SCN8A: variants seen among roughly 807,000 people sequenced by gnomAD.
SCN8A encodes sodium channel protein type 8 subunit alpha.
In SCN8A, 30 loss-of-function variants were observed where a neutral mutation model predicts 184.1. That is an observed-to-expected ratio of 0.16 (90% confidence interval 0.12 to 0.22). The LOEUF is 0.22. SCN8A is among the 10% of genes least tolerant of loss of function. The probability of loss-of-function intolerance (pLI) is 1.00; values close to 1 mark genes in which losing one functional copy is unlikely to be tolerated. For missense variants in SCN8A, 1,057 were observed against 2,498.9 expected (o/e 0.42, Z 12.30); for synonymous variants, 852 against 907.0 (o/e 0.94, Z 1.09).
In SCN8A at chr12:51,794,616, C is replaced by T. The variant is rs368421269; in HGVS notation, c.4770C>T (p.Phe1590=). ...YFTIGWNIFD[F]VVVILSIVGM... ...CCATTGGCTGGAACATCTTCGACTT[C>T]GTGGTAGTCATCCTCTCCATTGTGG... The change falls in exon 26 of 27, where the codon TTC becomes TTT. Residue 1590 remains phenylalanine, a synonymous_variant. Coordinates refer to ENST00000627620, the MANE Select transcript of SCN8A (RefSeq NM_001330260.2). 33 of 1,613,756 alleles carry T rather than the reference C, an allele frequency of 2.0e-5. No individual in the cohort carries two copies. The highest frequency in any genetic ancestry group is 4.0e-5 in the African/African-American group (3 of 74,904).
chr12:51,696,400 CT>C (rs1941593345), intron 6 of SCN8A, among the ~76,000 whole-genome samples: 1 of 152,176 alleles, frequency 6.6e-6, no homozygotes, highest in South Asian at 2.1e-4. Flanking sequence ...ATAATGAGGA[CT>C]TCTCTGTTCC....
chr12:51,600,533 G>A (rs1045505527), intron 1 of SCN8A, among the ~76,000 whole-genome samples: 12 of 152,128 alleles, frequency 7.9e-5, no homozygotes, highest in African/African-American at 1.7e-4. Context: ...ATCTTAGGCC[G>A]TGTATGAAAA....
intron 20 of SCN8A, among the ~76,000 whole-genome samples, chr12:51,775,358 A>G (rs1937658245): frequency 6.6e-6 from 1 of 152,226 alleles, no homozygotes; most frequent in South Asian, 2.1e-4. Context: ...CAAGTGCCCA[A>G]TACTGAGCCA....
chr12:51,760,528 C>G (rs1338660439), intron 14 of SCN8A, among the ~76,000 whole-genome samples: 2 of 152,182 alleles, frequency 1.3e-5, no homozygotes, highest in Non-Finnish European at 2.9e-5. Flanking sequence ...TGAGCACTTC[C>G]TGTGTGTTTA....
At chr12:51,733,208 A>G (rs1942271772) in intron 12 of SCN8A, among the ~76,000 whole-genome samples, 1 of 152,162 alleles carries the variant, frequency 6.6e-6, no homozygotes, top group African/African-American at 2.4e-5. Flanking sequence ...TATGGCTTTT[A>G]TTATATTGAA....
chr12:51,756,424 T>A (rs767953857), intron 14 of SCN8A, among the ~76,000 whole-genome samples: 7 of 152,150 alleles, frequency 4.6e-5, no homozygotes, highest in Non-Finnish European at 7.4e-5. Context: ...TGGCACCCCT[T>A]GTGAGTCTTC....
intron 11 of SCN8A, among the ~76,000 whole-genome samples, chr12:51,706,937 G>C (rs1366891244): frequency 2.0e-5 from 3 of 151,952 alleles, no homozygotes; most frequent in African/African-American, 7.3e-5. Flanking sequence ...CACTTTTTTA[G>C]CTCCCACGTA....
At chr12:51,638,881 A>G (rs945909702) in intron 1 of SCN8A, among the ~76,000 whole-genome samples, 2 of 152,336 alleles carry the variant, frequency 1.3e-5, no homozygotes, top group African/African-American at 4.8e-5. Context: ...CAAGAGAACT[A>G]GAATTAGAAG....
chr12:51,618,415 A>G (rs1939887339), intron 1 of SCN8A, among the ~76,000 whole-genome samples: 2 of 149,478 alleles, frequency 1.3e-5, no homozygotes, highest in African/African-American at 4.9e-5. Context: ...ACAGTTCTGG[A>G]TTTGGCTGCC....
intron 12 of SCN8A, among the ~76,000 whole-genome samples, chr12:51,724,513 T>C (rs1488824315): frequency 1.3e-5 from 2 of 152,200 alleles, no homozygotes; most frequent in Non-Finnish European, 2.9e-5. Context: ...CCAAAATAAA[T>C]GTTATAGATA....
intron 1 of SCN8A, among the ~76,000 whole-genome samples, chr12:51,603,193 C>G (rs570655964): frequency 6.6e-6 from 1 of 152,248 alleles, no homozygotes; most frequent in East Asian, 1.9e-4. Context: ...TAATCCCCAG[C>G]CCCTGGAAAC....
intron 2 of SCN8A, among the ~76,000 whole-genome samples, chr12:51,664,056 C>G (rs1940980519): frequency 6.6e-6 from 1 of 151,640 alleles, no homozygotes; most frequent in African/African-American, 2.4e-5. Flanking sequence ...ACTACAGGCT[C>G]AGAGCAGCTA....
Position 51,751,480 on chromosome 12 carries a change from C to G in SCN8A, c.2257C>G (p.Pro753Ala). 6.2e-7 allele frequency: 1 copy of G among 1,613,806 alleles called. No homozygotes were observed. The highest frequency in any genetic ancestry group is 8.5e-7 in the Non-Finnish European group (1 of 1,179,826). ...KEIVNLIVMDPFVDLAITICI... is the reference protein window; with the variant it reads ...KEIVNLIVMDAFVDLAITICI... ...GATTGTGAACTTGATAGTTATGGAC[C>G]CTTTTGTGGATTTAGCCATCACCAT... The change falls in exon 14 of 27, where the codon CCT becomes GCT. Residue 753 changes from proline (P) to alanine (A), a missense_variant. Coordinates refer to ENST00000627620, the MANE Select transcript of SCN8A (RefSeq NM_001330260.2).
At chr12:51,732,976 A>T (rs1942266801) in intron 12 of SCN8A, among the ~76,000 whole-genome samples, 1 of 152,160 alleles carries the variant, frequency 6.6e-6, no homozygotes, top group South Asian at 2.1e-4. Flanking sequence ...GATTTTTCTC[A>T]GTATAAAATC....
rs3741705 is a variant in SCN8A at position 51,808,240 on chromosome 12, T to C, written c.*811T>C. On this transcript the variant is annotated 3_prime_UTR_variant, in exon 27 of 27. Coordinates refer to ENST00000627620, the MANE Select transcript of SCN8A (RefSeq NM_001330260.2). ...GTAAGAGTTCCATACCGGCTACAAT[T>C]CTTTGAGTTCTTAAAAGTCCTTCAT... 0.092 allele frequency: 14,046 copies of C among 152,610 alleles called. 1,039 individuals are homozygous for C. Among genetic ancestry groups the C allele is most frequent in the East Asian group, 0.36 (1,875 of 5,152 alleles). 9.5% of individuals were successfully genotyped at this position (152,610 alleles called of 1,614,324 possible). A position where few individuals can be genotyped will look rare whatever the true frequency, so the allele number is the denominator to read the frequency against.
chr12:51,646,253 C>T (rs1341483321), intron 1 of SCN8A, among the ~76,000 whole-genome samples: 1 of 152,164 alleles, frequency 6.6e-6, no homozygotes, highest in Admixed American at 6.5e-5. Flanking sequence ...GGTAACTATA[C>T]AAGAAGTAGA....
At position 51,689,107 on chromosome 12, in the gene SCN8A, T is replaced by G. The variant is rs767667849; in HGVS notation, c.706+11T>G. 3.8e-6 allele frequency: 6 copies of G among 1,591,578 alleles called. No homozygotes were observed. In the Admixed American group the frequency reaches 8.7e-5, roughly 23 times the overall value. ...TCTCTGTAATTCCAGGTGAGAAAAT[T>G]TGTACATAAGACTGACTTTGCCACA... On this transcript the variant is annotated intron_variant, in intron 6 of 26. Transcript: ENST00000627620.
At chr12:51,770,016 G>A in intron 18 of SCN8A, 31 bp downstream of exon 18, 3 of 1,410,888 alleles carry the variant, frequency 2.1e-6, no homozygotes, top group Non-Finnish European at 2.0e-6. Context: ...GATGGGCTGG[G>A]GACACTCGTG....
intron 11 of SCN8A, among the ~76,000 whole-genome samples, chr12:51,711,148 C>T (rs1208535989): frequency 6.6e-6 from 1 of 152,202 alleles, no homozygotes; most frequent in East Asian, 1.9e-4. Context: ...TTACCCTTGT[C>T]TTGAGAGACT....
Sources: gnomAD v4.1 joint callset for allele counts (sites outside exome capture counted in the v4.1 genomes callset) on GRCh38, gnomAD v4.1.1 for gene constraint, MANE v1.5 for transcripts, NCBI Gene and HGNC (gene_info 2026-07-23, HGNC 2026-07-21) for gene names.